Variants in RHOF observed in about 807,000 individuals in gnomAD.
RHOF encodes the protein ras homolog family member F, filopodia associated.
Under a neutral mutation model 22.2 loss-of-function variants are expected in RHOF, and 21 were observed. The ratio of observed to expected loss-of-function variants is 0.95; its 90% CI spans 0.67 to 1.36. The LOEUF (loss-of-function observed/expected upper bound fraction) is 1.36. RHOF is among the 40% of genes most tolerant of loss of function. The pLI is 0.00. For missense variants in RHOF, 285 were observed against 293.7 expected (o/e 0.97, Z 0.22); for synonymous variants, 135 against 131.2 (o/e 1.03, Z -0.20).
chr12:121,790,624 G>A (rs1874741140), intron 2 of RHOF, among the ~76,000 whole-genome samples: 1 of 152,212 alleles, frequency 6.6e-6, no homozygotes, highest in African/African-American at 2.4e-5. Flanking sequence ...CTGGTCACGG[G>A]GGGATACCCT....
chr12:121,778,335 C>T lies in RHOF; in HGVS notation c.*1163G>A, dbSNP rs2137453736. ...ACGTGGTGGTGTGCGCATGTAGTCC[C>T]AGCTACTCAGGAGGCTGAGGCAAGA... is the stretch of plus-strand genomic sequence containing the variant. On this transcript the variant is annotated 3_prime_UTR_variant, in exon 5 of 5. Coordinates refer to ENST00000267205, the MANE Select transcript of RHOF (RefSeq NM_019034.3). 6.6e-6 allele frequency: 1 copy of T among 151,870 alleles called. No homozygotes were observed. The highest frequency in any genetic ancestry group is 2.1e-4 in the South Asian group (1 of 4,822). The allele number at this position is 151,870 out of a possible 1,614,324, so 9.4% of individuals were successfully genotyped here. A position where few individuals can be genotyped will look rare whatever the true frequency, so the allele number is the denominator to read the frequency against.
intron 2 of RHOF, among the ~76,000 whole-genome samples, chr12:121,787,939 T>C (rs1874655166): frequency 7.1e-6 from 1 of 141,040 alleles, no homozygotes; most frequent in Non-Finnish European, 1.5e-5. Context: ...GCTCTGTTGC[T>C]CAGGCTGGAG....
chr12:121,788,340 C>G (rs554597098), intron 2 of RHOF, among the ~76,000 whole-genome samples: 3 of 152,266 alleles, frequency 2.0e-5, no homozygotes, highest in Admixed American at 1.3e-4. Flanking sequence ...TGTCAGCCCT[C>G]TCAAGAAAGA....
Position 121,779,146 on chromosome 12 carries a change from G to A in RHOF, c.*352C>T. 3.7e-6 allele frequency: 1 copy of A among 270,570 alleles called. No homozygotes were observed. The highest frequency in any genetic ancestry group is 7.3e-6 in the Non-Finnish European group (1 of 136,388). 16.8% of individuals were successfully genotyped at this position (270,570 alleles called of 1,614,324 possible). ...GGGGCGCCCGCGTGGAACAGTGCCA[G>A]GTCTACGTTTACCCACTACCAGATA... On this transcript the variant is annotated 3_prime_UTR_variant, in exon 5 of 5. Transcript: ENST00000267205.
chr12:121,786,991 T>G (rs1030868245), intron 2 of RHOF, among the ~76,000 whole-genome samples: 1 of 152,094 alleles, frequency 6.6e-6, no homozygotes, highest in African/African-American at 2.4e-5. Context: ...TGAGCTGAGA[T>G]CGTGCCATTT....
rs1874328935 is a variant in RHOF at position 121,778,652 on chromosome 12, T to C, written c.*846A>G. ...TCGCCTCCTGAACTCCACAGGCTGG[T>C]AGAAGCGGGGCTTGAGGGACAGCAG... On this transcript the variant is annotated 3_prime_UTR_variant, in exon 5 of 5. Transcript: ENST00000267205. 6.6e-6 allele frequency: 1 copy of C among 151,882 alleles called. No individual in the cohort carries two copies. The highest frequency in any genetic ancestry group is 2.4e-5 in the African/African-American group (1 of 41,292). The allele number at this position is 151,882 out of a possible 1,614,324, so 9.4% of individuals were successfully genotyped here. A position where few individuals can be genotyped will look rare whatever the true frequency, so the allele number is the denominator to read the frequency against.
Position 121,779,654 on chromosome 12 carries a change from G to T in RHOF, c.480C>A (p.Ser160Arg). ...LEPITYMQGL[S>R]ACEQIRAALY... ...GAGCAGCTCGGATCTGTTCGCAGGCGCTCAGGCCCTGGGTGGGGGGAGGAG... is the reference window on the plus strand; with the variant it reads ...GAGCAGCTCGGATCTGTTCGCAGGCTCTCAGGCCCTGGGTGGGGGGAGGAG... The change falls in exon 5 of 5, where the codon AGC becomes AGA. Residue 160 changes from serine (S) to arginine (R), a missense_variant. Ser to Arg is a moderately radical substitution (Grantham distance 110). Coordinates refer to ENST00000267205, the MANE Select transcript of RHOF (RefSeq NM_019034.3). 1.2e-6 allele frequency: 2 copies of T among 1,613,906 alleles called. No homozygotes were observed. The highest frequency in any genetic ancestry group is 8.5e-7 in the Non-Finnish European group (1 of 1,179,870).
chr12:121,780,469 G>A, intron 4 of RHOF: 1 of 326,412 alleles, frequency 3.1e-6, no homozygotes. Flanking sequence ...CGGTCAATTG[G>A]CCCGTGAAGG....
In RHOF at chr12:121,779,387, G is replaced by A; in HGVS notation, c.*111C>T. 8.5e-7 allele frequency: 1 copy of A among 1,171,180 alleles called. No homozygotes were observed. The allele number at this position is 1,171,180 out of a possible 1,614,324, so 72.5% of individuals were successfully genotyped here. On this transcript the variant is annotated 3_prime_UTR_variant, in exon 5 of 5. Transcript: ENST00000267205. ...AGAATGTTCCAAGAGTCTAGCCGCAGGCCCCAGACACCATGAGCTGGAGGG... is the reference window on the plus strand; with the variant it reads ...AGAATGTTCCAAGAGTCTAGCCGCAAGCCCCAGACACCATGAGCTGGAGGG...
rs1183925396 is a variant in RHOF, at chr12:121,793,616, G to T, written c.18C>A (p.Ala6=). The T allele has an allele frequency of 5.8e-6, 9 of 1,545,078 alleles. No homozygotes were observed. The highest frequency in any genetic ancestry group is 6.9e-6 in the Non-Finnish European group (8 of 1,151,388). The stretch of plus-strand genomic sequence containing the variant: ...GACCGGGGGCGGCGGTCTGGGCCAG[G>T]GCCCCGGGGGCATCCATTGCCCGGA... The part of the protein sequence containing the change: MDAPG[A]LAQTAAPGPG... Residue 6 remains alanine, a synonymous_variant, in exon 1 of 5, where the codon GCC becomes GCA. Transcript: ENST00000267205.
intron 2 of RHOF, among the ~76,000 whole-genome samples, chr12:121,785,417 CTTTACT>C (rs1337350078): frequency 1.0e-3 from 91 of 90,818 alleles, no homozygotes; most frequent in Non-Finnish European, 1.2e-3. Context: ...TTCTTTTTTT[CTTTACT>C]TTTTTTTTTT....
chr12:121,779,955 C>T (rs201098881), intron 4 of RHOF: 34 of 280,738 alleles, frequency 1.2e-4, no homozygotes, highest in African/African-American at 7.5e-4. Context: ...CCCCAGGTGT[C>T]TCCCAGGCCT....
intron 2 of RHOF, 150 bp downstream of exon 2, chr12:121,793,002 G>T: frequency 1.5e-6 from 1 of 670,410 alleles, no homozygotes; most frequent in Non-Finnish European, 2.5e-6. Context: ...GGGCCCCGCA[G>T]CCAGCGCCCC....
At chr12:121,781,920 C>T (rs573407816) in intron 2 of RHOF, 1 of 152,354 alleles carries the variant, frequency 6.6e-6, no homozygotes, top group African/African-American at 2.4e-5. Flanking sequence ...ACGCCTGGCT[C>T]CGCCCCGAGA....
chr12:121,781,267 C>A, intron 2 of RHOF, 75 bp from the exon 3 acceptor site: 1 of 1,358,876 alleles, frequency 7.4e-7, no homozygotes, highest in Non-Finnish European at 1.0e-6. Context: ...GGGGAAGGGG[C>A]CAGGCAAGTG....
chr12:121,780,575 C>T (rs1592955043), intron 4 of RHOF: 1 of 514,598 alleles, frequency 1.9e-6, no homozygotes, highest in East Asian at 3.1e-5. Context: ...GATCCTGGCT[C>T]CACTTCTCGC....
At chr12:121,781,231 T>C in intron 2 of RHOF, 39 bp from the exon 3 acceptor site, 1 of 1,579,922 alleles carries the variant, frequency 6.3e-7, no homozygotes, top group South Asian at 1.1e-5. Context: ...GGACGTCCCC[T>C]CCCTGTCTGG....
chr12:121,787,893 A>C (rs1325313598), intron 2 of RHOF, among the ~76,000 whole-genome samples: 1 of 51,986 alleles, frequency 1.9e-5, no homozygotes, highest in South Asian at 7.1e-4. Flanking sequence ...TCTGCCTCAA[A>C]AAAAAAAAAA....
chr12:121,789,673 C>T (rs1350892480), intron 2 of RHOF, among the ~76,000 whole-genome samples: 1 of 152,182 alleles, frequency 6.6e-6, no homozygotes, highest in Non-Finnish European at 1.5e-5. Flanking sequence ...TGGGCAGCCC[C>T]AGCTGGGAGT....
Sources: allele counts gnomAD v4.1 joint callset (sites outside exome capture counted in the v4.1 genomes callset), GRCh38; gene constraint gnomAD v4.1.1; transcripts MANE v1.5; gene names NCBI Gene and HGNC (gene_info 2026-07-23, HGNC 2026-07-21).